RABGAP1L: variants seen among roughly 807,000 people sequenced by gnomAD.
RABGAP1L encodes the protein rab GTPase-activating protein 1-like.
In RABGAP1L, 63 loss-of-function variants were observed where a neutral mutation model predicts 137.7. The observed-to-expected ratio is 0.46, with a 90% confidence interval of 0.37 to 0.56. The LOEUF is 0.56. RABGAP1L is among the 20% of genes least tolerant of loss of function. The pLI is 0.00. For synonymous variants in RABGAP1L, 431 were observed against 433.7 expected, an observed-to-expected ratio of 0.99 and a Z score of 0.08; for missense variants, 1,095 against 1,244.0, an observed-to-expected ratio of 0.88 and a Z score of 1.80.
chr1:174,427,916 A>C (rs1297018207), intron 13 of RABGAP1L, among the ~76,000 whole-genome samples: 1 of 152,178 alleles, frequency 6.6e-6, no homozygotes, highest in East Asian at 1.9e-4. Flanking sequence ...CCTAGTGAAG[A>C]AGATGATCAA....
At chr1:174,859,322 A>G (rs1649841832) in intron 19 of RABGAP1L, among the ~76,000 whole-genome samples, 1 of 152,062 alleles carries the variant, frequency 6.6e-6, no homozygotes, top group Admixed American at 6.6e-5. Flanking sequence ...TCTACTAAAA[A>G]TACAAAAAAA....
At chr1:174,547,029 C>CAAAAAAAAAAAA (rs375413887) in intron 13 of RABGAP1L, among the ~76,000 whole-genome samples, 3 of 78,246 alleles carry the variant, frequency 3.8e-5, no homozygotes, top group Non-Finnish European at 7.2e-5. Flanking sequence ...GACTCTGTCT[C>CAAAAAAAAAAAA]AAAAAAAAAA....
intron 11 of RABGAP1L, among the ~76,000 whole-genome samples, chr1:174,335,260 G>T (rs1027918373): frequency 1.1e-4 from 17 of 152,166 alleles, no homozygotes; most frequent in African/African-American, 3.9e-4. Flanking sequence ...TCCTGCTGTG[G>T]GGAATTAGAG....
At chr1:174,247,526 G>A (rs1288296693) in intron 5 of RABGAP1L, among the ~76,000 whole-genome samples, 1 of 152,192 alleles carries the variant, frequency 6.6e-6, no homozygotes, top group Non-Finnish European at 1.5e-5. Context: ...CTTAGAGCCA[G>A]GCCAGCAACC....
chr1:174,566,583 A>G (rs1389662950), intron 13 of RABGAP1L, among the ~76,000 whole-genome samples: 3 of 152,174 alleles, frequency 2.0e-5, no homozygotes, highest in East Asian at 3.8e-4. Flanking sequence ...TTTATGCCTT[A>G]TATTCTTCAT....
intron 13 of RABGAP1L, among the ~76,000 whole-genome samples, chr1:174,491,177 G>A (rs1224568061): frequency 6.6e-6 from 1 of 152,096 alleles, no homozygotes; most frequent in African/African-American, 2.4e-5. Flanking sequence ...GGAAAGTGCT[G>A]TGTCTCACCT....
chr1:174,840,715 C>T (rs1693289213), intron 19 of RABGAP1L, among the ~76,000 whole-genome samples: 1 of 149,552 alleles, frequency 6.7e-6, no homozygotes, highest in Non-Finnish European at 1.5e-5. Context: ...ACTTGGGAGA[C>T]TGAGGCAGGA....
chr1:174,543,571 A>G (rs1665692419), intron 13 of RABGAP1L, among the ~76,000 whole-genome samples: 1 of 152,200 alleles, frequency 6.6e-6, no homozygotes, highest in African/African-American at 2.4e-5. Context: ...GTGTCTTTTA[A>G]TTGAAACATT....
At chr1:174,628,548 C>A (rs897772280) in intron 13 of RABGAP1L, among the ~76,000 whole-genome samples, 12 of 152,120 alleles carry the variant, frequency 7.9e-5, no homozygotes, top group Non-Finnish European at 1.5e-5. Context: ...TAACATTATG[C>A]ATTTGATATT....
intron 1 of RABGAP1L, among the ~76,000 whole-genome samples, chr1:174,201,441 GC>G (rs1668090673): frequency 6.6e-6 from 1 of 151,984 alleles, no homozygotes; most frequent in Non-Finnish European, 1.5e-5. Flanking sequence ...CAGGTGATCC[GC>G]CCACCTTGGC....
At chr1:174,333,113 A>T (rs1341525886) in intron 11 of RABGAP1L, among the ~76,000 whole-genome samples, 2 of 152,196 alleles carry the variant, frequency 1.3e-5, no homozygotes, top group Non-Finnish European at 2.9e-5. Flanking sequence ...GAATCCAAAA[A>T]ATTGATCTCC....
intron 5 of RABGAP1L, 128 bp from the exon 6 acceptor site, chr1:174,250,347 A>G: frequency 1.7e-6 from 1 of 590,844 alleles, no homozygotes; most frequent in Non-Finnish European, 2.8e-6. Context: ...CTTAGACTAT[A>G]TATAAAAATA....
chr1:174,758,214 G>A (rs942440928), intron 18 of RABGAP1L, among the ~76,000 whole-genome samples: 2 of 150,980 alleles, frequency 1.3e-5, no homozygotes, highest in Non-Finnish European at 2.9e-5. Flanking sequence ...TTTATGTTTT[G>A]GAAACATCTT....
At chr1:174,841,169 T>C (rs1178354176) in intron 19 of RABGAP1L, among the ~76,000 whole-genome samples, 1 of 152,162 alleles carries the variant, frequency 6.6e-6, no homozygotes, top group Non-Finnish European at 1.5e-5. Flanking sequence ...ATATTTGAGA[T>C]TGTCAAGCTT....
intron 13 of RABGAP1L, among the ~76,000 whole-genome samples, chr1:174,453,225 T>G (rs1311867286): frequency 4.6e-5 from 7 of 152,236 alleles, no homozygotes; most frequent in African/African-American, 7.2e-5. Flanking sequence ...ATAGGAAGGA[T>G]TGTCCAGGGA....
rs140462944 is a variant in RABGAP1L, at chr1:174,327,364, A to T, written c.1465+22237A>T. Among the ~76,000 whole-genome samples, 59 of 152,236 alleles carry T rather than the reference A, an allele frequency of 3.9e-4. 1 individual carries two copies. In the East Asian group the frequency reaches 0.01, roughly 26 times the overall value. ...TGTATATAAAAAGATGTAAATTATG[A>T]TATCAAAATATGAAATATGGGAGAG... On this transcript the variant is annotated intron_variant, in intron 11 of 25. Coordinates refer to ENST00000681986, the MANE Select transcript of RABGAP1L (RefSeq NM_001366446.1).
chr1:174,762,807 CTTTTTTTTTTTTTTT>C (rs71563260), intron 18 of RABGAP1L, among the ~76,000 whole-genome samples: 1 of 81,810 alleles, frequency 1.2e-5, no homozygotes, highest in African/African-American at 4.8e-5. Flanking sequence ...GTCTCCTTTG[CTTTTTTTTTTTTTTT>C]TTTTTTTTTT....
At chr1:174,983,138 G>T (rs1429527853) in intron 24 of RABGAP1L, among the ~76,000 whole-genome samples, 1 of 152,180 alleles carries the variant, frequency 6.6e-6, no homozygotes, top group East Asian at 1.9e-4. Flanking sequence ...ATGAAAGGAA[G>T]TAGGATTTGA....
At chr1:174,250,777 G>C (rs1413384225) in intron 6 of RABGAP1L, 145 bp downstream of exon 6, 1 of 732,704 alleles carries the variant, frequency 1.4e-6, no homozygotes, top group Non-Finnish European at 2.1e-6. Context: ...TTTTATTCTT[G>C]TGCTTGTCAG....
Sources: allele counts gnomAD v4.1 joint callset (sites outside exome capture counted in the v4.1 genomes callset), GRCh38; gene constraint gnomAD v4.1.1; transcripts MANE v1.5; gene names NCBI Gene and HGNC (gene_info 2026-07-23, HGNC 2026-07-21).